The following CC2D1A variants were observed in gnomAD, a reference collection of about 807,000 sequenced individuals.
The protein encoded by CC2D1A is coiled-coil and C2 domain-containing protein 1A.
A neutral mutation model predicts 123.8 loss-of-function variants in CC2D1A; 68 were observed. The ratio of observed to expected loss-of-function variants is 0.55; its 90% CI spans 0.45 to 0.67. CC2D1A has a LOEUF of 0.67. Ranked by LOEUF, CC2D1A falls within the 30% of genes least tolerant of loss-of-function variation. CC2D1A has a pLI of 0.00. For missense variants in CC2D1A, 1,185 were observed against 1,290.3 expected (o/e 0.92, Z 1.25); for synonymous variants, 477 against 528.0 (o/e 0.90, Z 1.32).
chr19:13,917,619 G>T lies in CC2D1A; in HGVS notation c.749-451G>T, dbSNP rs1204349976. ...ATTAGCCAGAAATTGGGAGGCGGAG[G>T]TTGCAGTGAGCCAAGATTGTGCCAC... On this transcript the variant is annotated intron_variant, in intron 6 of 28. Transcript: ENST00000318003. 4.6e-5 allele frequency among the ~76,000 whole-genome samples: 7 copies of T among 152,026 alleles called. No homozygotes were observed. In the East Asian group the frequency reaches 1.2e-3, roughly 25 times the overall value.
intron 17 of CC2D1A, among the ~76,000 whole-genome samples, chr19:13,925,696 GATC>G (rs1183475739): frequency 6.6e-6 from 1 of 151,642 alleles, no homozygotes; most frequent in East Asian, 1.9e-4. Flanking sequence ...AAGGCAGGCG[GATC>G]ATTTGAGGTC....
intron 6 of CC2D1A, among the ~76,000 whole-genome samples, chr19:13,913,852 A>G (rs1971107959): frequency 6.6e-6 from 1 of 152,154 alleles, no homozygotes; most frequent in Admixed American, 6.6e-5. Context: ...ATTATGATAA[A>G]ATATAGATCA....
intron 6 of CC2D1A, among the ~76,000 whole-genome samples, chr19:13,916,862 T>C (rs796090094): frequency 6.6e-6 from 1 of 152,182 alleles, no homozygotes; most frequent in Non-Finnish European, 1.5e-5. Context: ...GTGTCTTTAT[T>C]GTACTGTGTT....
intron 6 of CC2D1A, among the ~76,000 whole-genome samples, chr19:13,916,498 AG>A (rs1251280157): frequency 6.6e-6 from 1 of 151,880 alleles, no homozygotes. Flanking sequence ...TGGAAGGTTG[AG>A]GCTGAAGTGA....
At chr19:13,920,315 C>T (rs952467290) in intron 12 of CC2D1A, 2 of 534,086 alleles carry the variant, frequency 3.7e-6, no homozygotes, top group South Asian at 5.2e-5. Flanking sequence ...GCAGAGGTTG[C>T]AGTGAGCCAA....
chr19:13,926,826 A>C lies in CC2D1A; in HGVS notation c.2079A>C (p.Glu693Asp). ...TGCCTCCTCTCTGGTCATAGGAAGA[A>C]GCTCAGAAAGACAAGACCAGTGTGA... is the stretch of plus-strand genomic sequence containing the variant. Reference protein sequence around the residue: ...RFDFPYPNVEEAQKDKTSVIK... With the variant: ...RFDFPYPNVEDAQKDKTSVIK... The change falls in exon 20 of 29, where the codon GAA becomes GAC. Residue 693 changes from glutamate (E) to aspartate (D), a missense_variant. Coordinates refer to ENST00000318003, the MANE Select transcript of CC2D1A (RefSeq NM_017721.5). 1 of 1,614,110 alleles carries C rather than the reference A, an allele frequency of 6.2e-7. No individual in the cohort carries two copies. The highest frequency in any genetic ancestry group is 8.5e-7 in the Non-Finnish European group (1 of 1,180,014).
chr19:13,926,055 TATGTATATATACACAC>T (rs1369556393), intron 17 of CC2D1A, among the ~76,000 whole-genome samples: 1 of 125,256 alleles, frequency 8.0e-6, no homozygotes, highest in African/African-American at 3.7e-5. Flanking sequence ...CACGTATATA[TATGTATATATACACAC>T]ACACACACAC....
chr19:13,913,650 G>A lies in CC2D1A; in HGVS notation c.748+12G>A, dbSNP rs774877802. 3.8e-6 allele frequency: 6 copies of A among 1,575,342 alleles called. No homozygotes were observed. The East Asian group carries it at 6.8e-5, about 18-fold the overall frequency. On this transcript the variant is annotated intron_variant, in intron 6 of 28. Coordinates refer to ENST00000318003, the MANE Select transcript of CC2D1A (RefSeq NM_017721.5). ...CCAGATGCCCCCAGGTAGGTGATGGGCAGGGCCGGGCTGATATGGGATCCG... is the reference window on the plus strand; with the variant it reads ...CCAGATGCCCCCAGGTAGGTGATGGACAGGGCCGGGCTGATATGGGATCCG...
chr19:13,913,605 T>C lies in CC2D1A; in HGVS notation c.715T>C (p.Ser239Pro). The C allele has an allele frequency of 6.2e-7, 1 of 1,611,406 alleles. No homozygotes were observed. Residue 239 changes from serine (S) to proline (P), a missense_variant, in exon 6 of 29, where the codon TCT (serine) becomes CCT (proline). Transcript: ENST00000318003. ...ACCTTCTGCCACCGCCCCAGCCTCA[T>C]CTCCAGGCTTGGCTAAGCCCCAGAT... ...EGPSATAPAS[S>P]PGLAKPQMPP...
At chr19:13,910,101 T>A in intron 2 of CC2D1A, 143 bp downstream of exon 2, 43 of 730,726 alleles carry the variant, frequency 5.9e-5, no homozygotes, top group Non-Finnish European at 7.5e-5. Context: ...GGTAAGAGAG[T>A]CAAGATCGAC....
In CC2D1A at chr19:13,928,103, G is replaced by T. The variant is rs200706809; in HGVS notation, c.2455-21G>T. The T allele has an allele frequency of 3.7e-4, 594 of 1,613,064 alleles. 3 individuals are homozygous for T. The African/African-American group carries it at 7.1e-3, about 19-fold the overall frequency. On this transcript the variant is annotated intron_variant, in intron 23 of 28. Coordinates refer to ENST00000318003, the MANE Select transcript of CC2D1A (RefSeq NM_017721.5). ...TGGTTCAGGGGCCCAGGACTCACAG[G>T]ACTGGTTCTCTCCTCTGAAGCAGGT...
intron 6 of CC2D1A, among the ~76,000 whole-genome samples, chr19:13,916,027 G>A (rs556054602): frequency 3.3e-5 from 5 of 151,844 alleles, no homozygotes; most frequent in Admixed American, 6.6e-5. Flanking sequence ...ACACCAAAGC[G>A]GGCGGATCAC....
chr19:13,922,715 G>A (rs1971450804), intron 14 of CC2D1A, among the ~76,000 whole-genome samples: 1 of 152,160 alleles, frequency 6.6e-6, no homozygotes, highest in Admixed American at 6.5e-5. Flanking sequence ...CCCCAAAGCA[G>A]AGCCTAGCGC....
At chr19:13,916,537 C>T (rs557690266) in intron 6 of CC2D1A, among the ~76,000 whole-genome samples, 315 of 152,134 alleles carry the variant, frequency 2.1e-3, no homozygotes, top group Middle Eastern at 0.01. Context: ...GCACTCCAGC[C>T]TGGGTGACAG....
At chr19:13,913,879 T>A (rs535318067) in intron 6 of CC2D1A, among the ~76,000 whole-genome samples, 16 of 152,262 alleles carry the variant, frequency 1.1e-4, no homozygotes, top group Admixed American at 8.5e-4. Context: ...CCATTAAAAA[T>A]TATTTTAGTT....
At chr19:13,908,790 C>G (rs1970887491) in intron 1 of CC2D1A, among the ~76,000 whole-genome samples, 3 of 152,198 alleles carry the variant, frequency 2.0e-5, no homozygotes, top group African/African-American at 7.2e-5. Flanking sequence ...AAGAAAAGCC[C>G]AAGTGTACAG....
Position 13,923,331 on chromosome 19 carries a change from A to T in CC2D1A, c.1642-2A>T. 1.9e-6 allele frequency: 3 copies of T among 1,604,188 alleles called. No individual in the cohort carries two copies. The highest frequency in any genetic ancestry group is 2.5e-6 in the Non-Finnish European group (3 of 1,178,778). ...CCCCGCCACCAGCCTCGTCCTCCCCAGGTGCCGCCTGCCCCTGTCAACAAG... is the reference window on the plus strand; with the variant it reads ...CCCCGCCACCAGCCTCGTCCTCCCCTGGTGCCGCCTGCCCCTGTCAACAAG... On this transcript the variant is annotated splice_acceptor_variant, in intron 14 of 28. Coordinates refer to ENST00000318003, the MANE Select transcript of CC2D1A (RefSeq NM_017721.5). LOFTEE classifies it high-confidence loss of function. This position sits in a 1 kb window ranked among gnomAD's most constrained non-coding sequence, Gnocchi z 5.3.
Position 13,926,045 on chromosome 19 carries a change from C to CGTATATATATGTGTGTATATATATATAT in CC2D1A, c.1941-472_1941-471insGTATATATATGTGTGTATATATATATAT, listed in dbSNP as rs1568419032. ...ATATATGTGTATATATATATATATA[C>CGTATATATATGTGTGTATATATATATAT]ACGTATATATATGTATATATACACA... On this transcript the variant is annotated intron_variant, in intron 17 of 28. Coordinates refer to ENST00000318003, the MANE Select transcript of CC2D1A (RefSeq NM_017721.5). 8.5e-4 allele frequency among the ~76,000 whole-genome samples: 92 copies of CGTATATATATGTGTGTATATATATATAT among 108,124 alleles called. 1 individual carries two copies. The highest frequency in any genetic ancestry group is 5.1e-3 in the Admixed American group (52 of 10,100). The allele number at this position is 108,124 out of a possible 152,430, so 70.9% of individuals were successfully genotyped here.
chr19:13,920,368 C>CT (rs1307905754), intron 12 of CC2D1A, 189 bp from the exon 13 acceptor site: 1 of 599,466 alleles, frequency 1.7e-6, no homozygotes. Context: ...CAGTGATACT[C>CT]TGTCTCAAAA....
Sources: allele counts gnomAD v4.1 joint callset (sites outside exome capture counted in the v4.1 genomes callset), GRCh38; gene constraint gnomAD v4.1.1; non-coding constraint Gnocchi (gnomAD v3.1); transcripts MANE v1.5; gene names NCBI Gene and HGNC (gene_info 2026-07-23, HGNC 2026-07-21).